MAGI1: variants seen among roughly 807,000 people sequenced by gnomAD.
The protein encoded by MAGI1 is membrane associated guanylate kinase, WW and PDZ domain containing 1.
Under a neutral mutation model 139.9 loss-of-function variants are expected in MAGI1, and 58 were observed. That is an observed-to-expected ratio of 0.41 (90% CI 0.34 to 0.52). The LOEUF (loss-of-function observed/expected upper bound fraction) is 0.52, where lower values mean the gene tolerates loss of function less well. Ranked by LOEUF, MAGI1 falls within the 20% of genes least tolerant of loss-of-function variation. The pLI, the probability that MAGI1 is intolerant of heterozygous loss-of-function variation, is 0.12. For synonymous variants in MAGI1, 812 were observed against 737.9 expected (o/e 1.10, Z -1.63); for missense variants, 1,874 against 1,901.6 (o/e 0.99, Z 0.27).
chr3:65,618,065 G>A (rs2083466175), intron 2 of MAGI1, among the ~76,000 whole-genome samples: 1 of 152,302 alleles, frequency 6.6e-6, no homozygotes, highest in Non-Finnish European at 1.5e-5. Flanking sequence ...TGGAGGAAGT[G>A]GCATCTGGCT....
chr3:65,835,005 T>C (rs1479287981), intron 1 of MAGI1, among the ~76,000 whole-genome samples: 2 of 152,218 alleles, frequency 1.3e-5, no homozygotes, highest in East Asian at 1.9e-4. Context: ...GAAGACAGCA[T>C]ATAGCTGGGT....
At chr3:65,789,475 G>C (rs907438804) in intron 1 of MAGI1, among the ~76,000 whole-genome samples, 1 of 152,140 alleles carries the variant, frequency 6.6e-6, no homozygotes, top group African/African-American at 2.4e-5. Context: ...TGGCTATAAG[G>C]CCCCTCAGTT....
intron 1 of MAGI1, among the ~76,000 whole-genome samples, chr3:65,892,248 C>T (rs1367211263): frequency 2.6e-5 from 4 of 151,862 alleles, no homozygotes; most frequent in African/African-American, 7.3e-5. Flanking sequence ...AATTATGTTA[C>T]AGAAAAAGAT....
At chr3:65,901,002 A>G (rs992135857) in intron 1 of MAGI1, among the ~76,000 whole-genome samples, 1 of 152,256 alleles carries the variant, frequency 6.6e-6, no homozygotes, top group Non-Finnish European at 1.5e-5. Flanking sequence ...AAATACCTAC[A>G]GAAAAACCTG....
chr3:65,477,713 T>TATTATTTTA (rs200355939), intron 4 of MAGI1, among the ~76,000 whole-genome samples: 2 of 139,292 alleles, frequency 1.4e-5, no homozygotes, highest in Non-Finnish European at 3.1e-5. Flanking sequence ...TTATTATTAT[T>TATTATTTTA]TTTTTTTTTT....
chr3:65,525,685 A>G (rs2078347951), intron 2 of MAGI1, among the ~76,000 whole-genome samples: 1 of 152,222 alleles, frequency 6.6e-6, no homozygotes, highest in South Asian at 2.1e-4. Context: ...CCTGAGTTGT[A>G]AAAATTTATG....
At chr3:65,365,252 CT>C (rs1160962495) in intron 18 of MAGI1, 1 of 550,580 alleles carries the variant, frequency 1.8e-6, no homozygotes, top group Admixed American at 2.0e-5. Flanking sequence ...CACTCCTCCC[CT>C]GCCACTGAAA....
chr3:65,448,091 A>G (rs1365799842), intron 6 of MAGI1, 34 bp from the exon 7 acceptor site: 1 of 1,609,548 alleles, frequency 6.2e-7, no homozygotes, highest in East Asian at 2.2e-5. Context: ...TGAGACAGAA[A>G]AGAGAGAAAG....
chr3:65,816,865 G>T (rs79765798), intron 1 of MAGI1, among the ~76,000 whole-genome samples: 5,452 of 152,172 alleles, frequency 0.036, 129 homozygotes, highest in Middle Eastern at 0.051. Flanking sequence ...CTGTTACTGT[G>T]GGTCAAAAGA....
Position 65,834,995 on chromosome 3 carries a change from G to C in MAGI1, c.313+203001C>G, listed in dbSNP as rs182796122. Among the ~76,000 whole-genome samples the C allele has an allele frequency of 1.1e-4, 17 of 152,242 alleles. No homozygotes were observed. In the East Asian group the frequency reaches 3.1e-3, roughly 28 times the overall value. On this transcript the variant is annotated intron_variant, in intron 1 of 22. Transcript: ENST00000402939. ...TTGTTTCATTTGAAGTGAGTTTCTT[G>C]AAGACAGCATATAGCTGGGTCATGT... is the stretch of plus-strand genomic sequence containing the variant.
intron 3 of MAGI1, among the ~76,000 whole-genome samples, chr3:65,486,098 A>G (rs1951614947): frequency 6.6e-6 from 1 of 152,206 alleles, no homozygotes; most frequent in African/African-American, 2.4e-5. Flanking sequence ...TTAACCAGAA[A>G]CAAGAACTCT....
At chr3:65,502,656 T>G (rs1159192376) in intron 2 of MAGI1, among the ~76,000 whole-genome samples, 1 of 152,196 alleles carries the variant, frequency 6.6e-6, no homozygotes, top group Non-Finnish European at 1.5e-5. Flanking sequence ...TGGCAGGAAA[T>G]GAAAGCCCTT....
intron 1 of MAGI1, among the ~76,000 whole-genome samples, chr3:65,972,700 A>G (rs1353944983): frequency 6.6e-6 from 1 of 152,232 alleles, no homozygotes; most frequent in East Asian, 1.9e-4. Context: ...AACAAGGGGA[A>G]AAACATCAAG....
intron 2 of MAGI1, chr3:65,499,070 A>AC: frequency 1.0e-6 from 1 of 979,038 alleles, no homozygotes; most frequent in African/African-American, 1.7e-5. Flanking sequence ...TAAAAAAAAA[A>AC]AAACAAAAAA....
intron 5 of MAGI1, 23 bp downstream of exon 5, chr3:65,470,260 G>A: frequency 6.6e-7 from 1 of 1,504,754 alleles, no homozygotes; most frequent in Non-Finnish European, 9.2e-7. Context: ...AGAGATTTAG[G>A]TAGAAATAAT....
chr3:65,599,248 G>A (rs1331932942), intron 2 of MAGI1, among the ~76,000 whole-genome samples: 6 of 152,196 alleles, frequency 3.9e-5, no homozygotes. Context: ...GGCTTTACGG[G>A]TGCGGGAGAA....
intron 1 of MAGI1, among the ~76,000 whole-genome samples, chr3:65,680,623 G>T (rs2087517777): frequency 6.6e-6 from 1 of 152,058 alleles, no homozygotes; most frequent in Admixed American, 6.5e-5. Context: ...GTCTTGCTAT[G>T]TTGTCCAGGC....
rs1471882458 is a variant in MAGI1, at chr3:65,354,102, A to C, written c.*2276T>G. On this transcript the variant is annotated 3_prime_UTR_variant, in exon 23 of 23. Transcript: ENST00000402939. ...TTGAGAGCATCAGTCATTTAACATC[A>C]CAGATTTTGTTAGAACTAGTGAGAA... is the stretch of plus-strand genomic sequence containing the variant. 1.3e-5 allele frequency: 2 copies of C among 152,246 alleles called. No homozygotes were observed. Among genetic ancestry groups the C allele is most frequent in the African/African-American group, 4.8e-5 (2 of 41,464 alleles). 9.4% of individuals were successfully genotyped at this position (152,246 alleles called of 1,614,324 possible). A position where few individuals can be genotyped will look rare whatever the true frequency, so the allele number is the denominator to read the frequency against.
intron 5 of MAGI1, among the ~76,000 whole-genome samples, chr3:65,455,429 C>T (rs576404268): frequency 1.3e-5 from 2 of 152,190 alleles, no homozygotes; most frequent in East Asian, 1.9e-4. Flanking sequence ...GGTTATATAG[C>T]GCTGGGCGGG....
Sources: gnomAD v4.1 joint callset for allele counts (sites outside exome capture counted in the v4.1 genomes callset) on GRCh38, gnomAD v4.1.1 for gene constraint, MANE v1.5 for transcripts, NCBI Gene and HGNC (gene_info 2026-07-23, HGNC 2026-07-21) for gene names.